SP100: variants seen among roughly 807,000 people sequenced by gnomAD.
SP100 encodes SP100 nuclear body protein, also known as nuclear autoantigen Sp-100.
In SP100, 84 loss-of-function variants were observed where a neutral mutation model predicts 130.0. The observed-to-expected ratio is 0.65, with a 90% CI of 0.54 to 0.77. The LOEUF (loss-of-function observed/expected upper bound fraction) is 0.77. SP100 is among the 30% of genes least tolerant of loss of function. The pLI, the probability that SP100 is intolerant of heterozygous loss-of-function variation, is 0.00. For synonymous variants in SP100, 331 were observed against 351.7 expected, an observed-to-expected ratio of 0.94 and a Z score of 0.66; for missense variants, 978 against 1,052.2, an observed-to-expected ratio of 0.93 and a Z score of 0.97.
chr2:230,531,137 C>A (rs1691680839), intron 24 of SP100, among the ~76,000 whole-genome samples: 1 of 152,176 alleles, frequency 6.6e-6, no homozygotes, highest in African/African-American at 2.4e-5. Flanking sequence ...TACTGCAACA[C>A]TATTCACAAT....
intron 3 of SP100, 150 bp from the exon 4 acceptor site, chr2:230,444,028 T>C: frequency 1.7e-6 from 1 of 576,776 alleles, no homozygotes; most frequent in Non-Finnish European, 2.9e-6. Context: ...CTTTCATTAC[T>C]GGCTATACAA....
At chr2:230,526,038 C>A (rs1251571627) in intron 24 of SP100, among the ~76,000 whole-genome samples, 1 of 152,170 alleles carries the variant, frequency 6.6e-6, no homozygotes. Context: ...GTCTGACAGC[C>A]CTGAAGAGAG....
At chr2:230,535,149 T>C (rs939351575) in intron 24 of SP100, among the ~76,000 whole-genome samples, 4 of 152,080 alleles carry the variant, frequency 2.6e-5, no homozygotes, top group African/African-American at 7.2e-5. Flanking sequence ...TGAGCCGAGA[T>C]TGTGCCACTG....
At chr2:230,519,455 C>T (rs836232) in intron 24 of SP100, among the ~76,000 whole-genome samples, 128,058 of 152,170 alleles carry the variant, frequency 0.84, 54,243 homozygotes, top group Middle Eastern at 0.92. Flanking sequence ...CTGTTCCAAA[C>T]GTAAATACGT....
At chr2:230,427,811 A>G (rs1326921913) in intron 2 of SP100, among the ~76,000 whole-genome samples, 1 of 152,222 alleles carries the variant, frequency 6.6e-6, no homozygotes, top group African/African-American at 2.4e-5. Flanking sequence ...AAACACATAC[A>G]AAACTCTACA....
intron 19 of SP100, among the ~76,000 whole-genome samples, chr2:230,499,098 T>C (rs1292966234): frequency 6.6e-6 from 1 of 152,092 alleles, no homozygotes; most frequent in Non-Finnish European, 1.5e-5. Flanking sequence ...AGAGCTCTTG[T>C]AGACTGTGCC....
chr2:230,445,773 T>A (rs1413638671), intron 4 of SP100, among the ~76,000 whole-genome samples: 1 of 152,212 alleles, frequency 6.6e-6, no homozygotes, highest in Non-Finnish European at 1.5e-5. Flanking sequence ...TCAGGGGCTC[T>A]GTTCCTCTCC....
chr2:230,417,567 G>T, intron 1 of SP100, 24 bp from the exon 2 acceptor site: 2 of 1,606,020 alleles, frequency 1.2e-6, no homozygotes, highest in Non-Finnish European at 1.7e-6. Context: ...TTATTTACTT[G>T]GTCCTGCCAA....
At chr2:230,439,754 T>C (rs1229232598) in intron 2 of SP100, among the ~76,000 whole-genome samples, 2 of 152,136 alleles carry the variant, frequency 1.3e-5, no homozygotes, top group African/African-American at 4.8e-5. Flanking sequence ...ATACTAATCA[T>C]ATCATTGGTG....
At chr2:230,488,571 G>A (rs2066235642) in intron 17 of SP100, among the ~76,000 whole-genome samples, 1 of 152,032 alleles carries the variant, frequency 6.6e-6, no homozygotes, top group Non-Finnish European at 1.5e-5. Flanking sequence ...CCGCCACCAT[G>A]CCTGGCTAAT....
intron 17 of SP100, among the ~76,000 whole-genome samples, chr2:230,484,020 A>AAC (rs1225898506): frequency 6.6e-6 from 1 of 152,206 alleles, no homozygotes; most frequent in Admixed American, 6.5e-5. Flanking sequence ...AAGCTCATCT[A>AAC]ACACATGTAC....
At chr2:230,536,332 T>C (rs938047423) in intron 24 of SP100, among the ~76,000 whole-genome samples, 3 of 152,140 alleles carry the variant, frequency 2.0e-5, no homozygotes, top group African/African-American at 4.8e-5. Flanking sequence ...GATTGAGGAA[T>C]TGATAAACAG....
At chr2:230,533,858 T>A (rs548271902) in intron 24 of SP100, among the ~76,000 whole-genome samples, 43 of 152,342 alleles carry the variant, frequency 2.8e-4, no homozygotes, top group African/African-American at 9.1e-4. Flanking sequence ...GAGATCTTAC[T>A]CTACAAACAA....
chr2:230,454,520 T>G (rs1164256274), intron 8 of SP100, among the ~76,000 whole-genome samples: 1 of 152,196 alleles, frequency 6.6e-6, no homozygotes, highest in Non-Finnish European at 1.5e-5. Context: ...TTAAAAAATT[T>G]TTTCCCTTTA....
chr2:230,462,305 G>A, intron 9 of SP100, 130 bp from the exon 10 acceptor site: 1 of 631,162 alleles, frequency 1.6e-6, no homozygotes. Context: ...ATGCATTCAA[G>A]GAACACCCCA....
At chr2:230,457,466 G>C (rs1043454676) in intron 8 of SP100, among the ~76,000 whole-genome samples, 2 of 152,210 alleles carry the variant, frequency 1.3e-5, no homozygotes, top group African/African-American at 2.4e-5. Context: ...GAGTGAGCTT[G>C]GAGGTTCAGA....
chr2:230,441,731 T>C (rs918070003), intron 2 of SP100, among the ~76,000 whole-genome samples: 3 of 152,208 alleles, frequency 2.0e-5, no homozygotes, highest in African/African-American at 7.2e-5. Flanking sequence ...CCTGGTTGCA[T>C]ATGGTCAGGA....
At chr2:230,418,993 G>A (rs1423613643) in intron 2 of SP100, among the ~76,000 whole-genome samples, 1 of 152,260 alleles carries the variant, frequency 6.6e-6, no homozygotes, top group Non-Finnish European at 1.5e-5. Context: ...AATTTGAAGA[G>A]AATGGACATC....
rs776485760 is a variant in SP100 at position 230,473,360 on chromosome 2, C to T, written c.1466C>T (p.Ser489Phe). Residue 489 changes from serine (S) to phenylalanine (F), a missense_variant, in exon 16 of 29, where the codon TCC (serine) becomes TTC (phenylalanine). Physicochemically the swap from Ser to Phe is radical, Grantham distance 155. Coordinates refer to ENST00000340126, the MANE Select transcript of SP100 (RefSeq NM_001080391.2). ...CAAGAACCTGAAAATAAGAAGTGCTCCTGTGTCATGTGTTTTCCAAAAGGT... is the reference window on the plus strand; with the variant it reads ...CAAGAACCTGAAAATAAGAAGTGCTTCTGTGTCATGTGTTTTCCAAAAGGT... Reference protein sequence around the residue: ...QPQEPENKKCSCVMCFPKGVP... With the variant: ...QPQEPENKKCFCVMCFPKGVP... 5.6e-6 allele frequency: 9 copies of T among 1,613,758 alleles called. No homozygotes were observed. Among genetic ancestry groups the T allele is most frequent in the Middle Eastern group, 1.6e-4 (1 of 6,062 alleles).
Sources: allele counts gnomAD v4.1 joint callset (sites outside exome capture counted in the v4.1 genomes callset), GRCh38; gene constraint gnomAD v4.1.1; transcripts MANE v1.5; gene names NCBI Gene and HGNC (gene_info 2026-07-23, HGNC 2026-07-21).